EGFLAM: variants seen among roughly 807,000 people sequenced by gnomAD.
EGFLAM encodes the protein EGF like, fibronectin type III and laminin G domains.
In EGFLAM, 79 loss-of-function variants were observed where a neutral mutation model predicts 113.1. The observed-to-expected ratio is 0.70, with a 90% CI of 0.58 to 0.84. The LOEUF (loss-of-function observed/expected upper bound fraction) is 0.84, where lower values mean the gene tolerates loss of function less well. Ranked by LOEUF, EGFLAM falls within the 40% of genes least tolerant of loss-of-function variation. The pLI is 0.00. For missense variants in EGFLAM, 1,265 were observed against 1,291.6 expected (o/e 0.98, Z 0.32); for synonymous variants, 504 against 487.6 (o/e 1.03, Z -0.44).
intron 1 of EGFLAM, chr5:38,282,377 G>A (rs2111757618): frequency 6.6e-6 from 1 of 152,344 alleles, no homozygotes; most frequent in Admixed American, 6.5e-5. Flanking sequence ...TGGATGATTA[G>A]AACCTAAACT....
intron 6 of EGFLAM, among the ~76,000 whole-genome samples, chr5:38,387,863 G>A (rs924533553): frequency 3.3e-5 from 5 of 152,286 alleles, no homozygotes; most frequent in East Asian, 1.9e-4. Context: ...TTCTAATGTC[G>A]CGAATGGTTA....
rs149703793 is a variant in EGFLAM at position 38,409,195 on chromosome 5, A to G, written c.1349+91A>G. On this transcript the variant is annotated intron_variant, in intron 10 of 21. Coordinates refer to ENST00000322350, the MANE Select transcript of EGFLAM (RefSeq NM_152403.4). ...TATAGTATGAAAAAATATATACAGG[A>G]TAGGTTCTAGTAGATGAAAGAATGG... 626 of 992,860 alleles carry G rather than the reference A, an allele frequency of 6.3e-4. 3 individuals carry two copies. The African/African-American group carries it at 9.3e-3, about 15-fold the overall frequency. 61.5% of individuals were successfully genotyped at this position (992,860 alleles called of 1,614,324 possible).
At chr5:38,279,924 T>A (rs1384557150) in intron 1 of EGFLAM, among the ~76,000 whole-genome samples, 1 of 152,116 alleles carries the variant, frequency 6.6e-6, no homozygotes, top group Non-Finnish European at 1.5e-5. Flanking sequence ...ACTAGCTAGA[T>A]TTAACCGTTC....
In EGFLAM at chr5:38,370,377, T is replaced by C; in HGVS notation, c.627T>C (p.Asp209=). Residue 209 remains aspartate (D), a synonymous_variant, in exon 6 of 22, where the codon GAT becomes GAC. Coordinates refer to ENST00000322350, the MANE Select transcript of EGFLAM (RefSeq NM_152403.4). ...TGGTTATCAAGGGCCTCGATCCAGA[T>C]ACCAACTACCAGTTTGCCGTGAGGG... The part of the protein sequence containing the change: ...DSMVIKGLDP[D]TNYQFAVRAM... 5 of 1,614,198 alleles carry C rather than the reference T, an allele frequency of 3.1e-6. No individual in the cohort carries two copies. The highest frequency in any genetic ancestry group is 3.4e-6 in the Non-Finnish European group (4 of 1,180,040).
intron 1 of EGFLAM, among the ~76,000 whole-genome samples, chr5:38,314,436 T>C (rs1410979006): frequency 6.6e-6 from 1 of 152,196 alleles, no homozygotes; most frequent in African/African-American, 2.4e-5. Flanking sequence ...AACCATTATG[T>C]GAATGTGAGG....
Position 38,438,377 on chromosome 5 carries a change from G to C in EGFLAM, c.2386G>C (p.Gly796Arg). The change falls in exon 17 of 22, where the codon GGG becomes CGG. Residue 796 changes from glycine (G) to arginine (R), a missense_variant. Transcript: ENST00000322350. ...CTGTGTGAGAGCCCCTTGTGCCCAT[G>C]GGGGCAGCTGCCGGCCCAGGAAGGA... Reference protein sequence around the residue: ...HPCVRAPCAHGGSCRPRKEGY... With the variant: ...HPCVRAPCAHRGSCRPRKEGY... 1 of 1,613,994 alleles carries C rather than the reference G, an allele frequency of 6.2e-7. No homozygotes were observed. Among genetic ancestry groups the C allele is most frequent in the East Asian group, 2.2e-5 (1 of 44,876 alleles).
At chr5:38,366,867 G>A (rs190125531) in intron 5 of EGFLAM, among the ~76,000 whole-genome samples, 1 of 152,346 alleles carries the variant, frequency 6.6e-6, no homozygotes, top group East Asian at 1.9e-4. Context: ...TGATCTCTAA[G>A]ATTTCACCCA....
At chr5:38,430,448 A>G (rs1742153440) in intron 14 of EGFLAM, among the ~76,000 whole-genome samples, 1 of 152,220 alleles carries the variant, frequency 6.6e-6, no homozygotes, top group Non-Finnish European at 1.5e-5. Context: ...GAAGGCATCC[A>G]ATAAATAGTA....
At chr5:38,267,484 G>T (rs1757659890) in intron 1 of EGFLAM, among the ~76,000 whole-genome samples, 1 of 152,150 alleles carries the variant, frequency 6.6e-6, no homozygotes, top group Non-Finnish European at 1.5e-5. Flanking sequence ...TCCTTTGCTT[G>T]TAATTCTTGA....
In EGFLAM at chr5:38,409,056, G is replaced by T. The variant is rs1276472179; in HGVS notation, c.1301G>T (p.Arg434Met). 11 of 1,595,330 alleles carry T rather than the reference G, an allele frequency of 6.9e-6. No individual in the cohort carries two copies. The highest frequency in any genetic ancestry group is 1.1e-5 in the South Asian group (1 of 87,782). Residue 434 changes from arginine (R) to methionine (M), a missense_variant, in exon 10 of 22, where the codon AGG (arginine) becomes ATG (methionine). Transcript: ENST00000322350. ...LLYCGENEHG[R>M]GDFMSLAIIR... ...TACTGTGGGGAGAACGAACACGGGAGGGGGGATTTCATGTCCCTGGCTATC... is the reference window on the plus strand; with the variant it reads ...TACTGTGGGGAGAACGAACACGGGATGGGGGATTTCATGTCCCTGGCTATC...
chr5:38,376,317 A>C (rs371975554), intron 6 of EGFLAM, among the ~76,000 whole-genome samples: 8 of 152,316 alleles, frequency 5.3e-5, no homozygotes, highest in African/African-American at 1.9e-4. Context: ...TCTTTTTTCC[A>C]AAAACGGGAA....
rs770736644 is a variant in EGFLAM at position 38,464,015 on chromosome 5, G to A, written c.*29G>A. 2 of 1,613,904 alleles carry A rather than the reference G, an allele frequency of 1.2e-6. No individual in the cohort carries two copies. The highest frequency in any genetic ancestry group is 1.3e-5 in the African/African-American group (1 of 75,068). On this transcript the variant is annotated 3_prime_UTR_variant, in exon 22 of 22. Coordinates refer to ENST00000322350, the MANE Select transcript of EGFLAM (RefSeq NM_152403.4). ...CAGCTGGCCTTGTCCAAGGGACAGA[G>A]CCTTCTATTCTGAGAATCCCAGGGG...
intron 5 of EGFLAM, among the ~76,000 whole-genome samples, chr5:38,364,512 G>A (rs934361392): frequency 9.2e-5 from 14 of 152,146 alleles, no homozygotes; most frequent in African/African-American, 3.4e-4. Flanking sequence ...GCTCTGTGGG[G>A]TGAGAGATGG....
At chr5:38,369,959 G>A (rs1333484122) in intron 5 of EGFLAM, among the ~76,000 whole-genome samples, 2 of 152,184 alleles carry the variant, frequency 1.3e-5, no homozygotes, top group South Asian at 4.1e-4. Context: ...GCCAAAGGGA[G>A]GATTGTTTGT....
intron 14 of EGFLAM, among the ~76,000 whole-genome samples, chr5:38,427,953 G>T (rs1365674409): frequency 1.3e-5 from 2 of 152,286 alleles, no homozygotes; most frequent in East Asian, 1.9e-4. Flanking sequence ...CAGGTCGATT[G>T]TTCCTTGGAG....
At chr5:38,421,436 G>A (rs1741819566) in intron 12 of EGFLAM, among the ~76,000 whole-genome samples, 1 of 152,208 alleles carries the variant, frequency 6.6e-6, no homozygotes, top group African/African-American at 2.4e-5. Flanking sequence ...CCACTTCCCA[G>A]GGTATTTGAG....
At chr5:38,404,261 T>A (rs1415496676) in intron 6 of EGFLAM, among the ~76,000 whole-genome samples, 1 of 152,190 alleles carries the variant, frequency 6.6e-6, no homozygotes, top group East Asian at 1.9e-4. Flanking sequence ...GTTGAAATCC[T>A]AACCCCCAAG....
chr5:38,306,254 G>C (rs987237655), intron 1 of EGFLAM, among the ~76,000 whole-genome samples: 15 of 152,198 alleles, frequency 9.9e-5, no homozygotes, highest in African/African-American at 3.6e-4. Flanking sequence ...TTTTTAAAAA[G>C]AGAGAGCATC....
At chr5:38,449,582 G>T (rs1420959186) in intron 18 of EGFLAM, among the ~76,000 whole-genome samples, 1 of 152,146 alleles carries the variant, frequency 6.6e-6, no homozygotes, top group Non-Finnish European at 1.5e-5. Context: ...GTTTGGGGGA[G>T]TAGAGGGGCT....
Sources: gnomAD v4.1 joint callset for allele counts (sites outside exome capture counted in the v4.1 genomes callset) on GRCh38, gnomAD v4.1.1 for gene constraint, MANE v1.5 for transcripts, NCBI Gene and HGNC (gene_info 2026-07-23, HGNC 2026-07-21) for gene names.